The following PIEZO2 variants were observed in gnomAD, a reference collection of about 807,000 sequenced individuals.
The protein encoded by PIEZO2 is piezo-type mechanosensitive ion channel component 2.
A neutral mutation model predicts 337.3 loss-of-function variants in PIEZO2; 172 were observed. The ratio of observed to expected loss-of-function variants is 0.51; its 90% CI spans 0.45 to 0.58. The LOEUF is 0.58. Among genes scored for constraint, PIEZO2 ranks in the 20% least tolerant of loss-of-function variants. PIEZO2 has a pLI of 0.00. For synonymous variants in PIEZO2, 1,251 were observed against 1,228.5 expected, an observed-to-expected ratio of 1.02 and a Z score of -0.38; for missense variants, 3,028 against 3,391.3, an observed-to-expected ratio of 0.89 and a Z score of 2.66.
rs550820425 is a variant in PIEZO2, at chr18:11,148,005, T to G, written c.64+520A>C. On this transcript the variant is annotated intron_variant, in intron 1 of 55. Transcript: ENST00000674853. The surrounding 1 kb of genome is among the most constrained non-coding windows in gnomAD (Gnocchi z 5.2). ...AAATAAGTAAGAAACGTCAAGGCACTGTCTCCCTGTACCTCGTCCCTCTTT... is the reference window on the plus strand; with the variant it reads ...AAATAAGTAAGAAACGTCAAGGCACGGTCTCCCTGTACCTCGTCCCTCTTT... Among the ~76,000 whole-genome samples, 12 of 152,362 alleles carry G rather than the reference T, an allele frequency of 7.9e-5. 1 individual carries two copies. Among genetic ancestry groups the G allele is most frequent in the African/African-American group, 2.9e-4 (12 of 41,594 alleles).
intron 2 of PIEZO2, among the ~76,000 whole-genome samples, chr18:10,983,410 C>T (rs2034745035): frequency 6.6e-6 from 1 of 152,252 alleles, no homozygotes; most frequent in African/African-American, 2.4e-5. Flanking sequence ...TTGGTATCAA[C>T]AGAGGCCTGA....
Position 11,019,000 on chromosome 18 carries a change from C to T in PIEZO2, c.161-39340G>A, listed in dbSNP as rs149679892. Among the ~76,000 whole-genome samples the T allele has an allele frequency of 3.5e-3, 533 of 152,242 alleles. 4 individuals carry two copies. The highest frequency in any genetic ancestry group is 0.012 in the African/African-American group (478 of 41,548). The stretch of plus-strand genomic sequence containing the variant: ...GTGAGATCAACCCCAAAATTCAGGA[C>T]GGAGCCTTGATTTTTTGTGCCCTTC... On this transcript the variant is annotated intron_variant, in intron 2 of 55. Coordinates refer to ENST00000674853, the MANE Select transcript of PIEZO2 (RefSeq NM_001378183.1).
rs1449275468 is a variant in PIEZO2 at position 10,672,248 on chromosome 18, A to G, written c.8345+442T>C. ...TATGAGGCTAACTTTGAGAAATACA[A>G]TATTTTACATTTGTGTCTTGTGGGG... On this transcript the variant is annotated intron_variant, in intron 55 of 55. Coordinates refer to ENST00000674853, the MANE Select transcript of PIEZO2 (RefSeq NM_001378183.1). This position sits in a 1 kb window ranked among gnomAD's most constrained non-coding sequence, Gnocchi z 4.7. 6.6e-6 allele frequency among the ~76,000 whole-genome samples: 1 copy of G among 152,182 alleles called. No individual in the cohort carries two copies. The highest frequency in any genetic ancestry group is 1.9e-4 in the East Asian group (1 of 5,202).
chr18:10,810,938 T>C (rs1448692655), intron 7 of PIEZO2, among the ~76,000 whole-genome samples: 1 of 152,122 alleles, frequency 6.6e-6, no homozygotes, highest in Non-Finnish European at 1.5e-5. Flanking sequence ...ATTACAGGGG[T>C]CACACAGGAT....
At chr18:11,015,346 C>A (rs2036079782) in intron 2 of PIEZO2, among the ~76,000 whole-genome samples, 1 of 152,168 alleles carries the variant, frequency 6.6e-6, no homozygotes, top group Non-Finnish European at 1.5e-5. Flanking sequence ...GGCATGCCAC[C>A]CTGGCTGGCT....
rs1489035242 is a variant in PIEZO2 at position 10,847,098 on chromosome 18, G to A, written c.917+8255C>T. ...TAGGTGCTCTGCCTAGAAAATAGCAGGGCCAAGGTTCAATCTCGAGCCCGT... is the reference window on the plus strand; with the variant it reads ...TAGGTGCTCTGCCTAGAAAATAGCAAGGCCAAGGTTCAATCTCGAGCCCGT... On this transcript the variant is annotated intron_variant, in intron 7 of 55. Coordinates refer to ENST00000674853, the MANE Select transcript of PIEZO2 (RefSeq NM_001378183.1). This position sits in a 1 kb window ranked among gnomAD's most constrained non-coding sequence, Gnocchi z 5.7. Among the ~76,000 whole-genome samples the A allele has an allele frequency of 1.3e-5, 2 of 152,194 alleles. No individual in the cohort carries two copies. Among genetic ancestry groups the A allele is most frequent in the Non-Finnish European group, 2.9e-5 (2 of 68,044 alleles).
rs1200915617 is a variant in PIEZO2, at chr18:10,798,625, AC to A, written c.1379-1104del. Among the ~76,000 whole-genome samples the A allele has an allele frequency of 2.0e-4, 31 of 152,252 alleles. 1 individual carries two copies. Among genetic ancestry groups the A allele is most frequent in the African/African-American group, 7.5e-4 (31 of 41,542 alleles). ...TTAAAATCTTTCCAGCTTTTGTTTCACTTTTGAAAGCCCAGTTTATGATTTC... is the reference window on the plus strand; with the variant it reads ...TTAAAATCTTTCCAGCTTTTGTTTCATTTTGAAAGCCCAGTTTATGATTTC... On this transcript the variant is annotated intron_variant, in intron 11 of 55. Coordinates refer to ENST00000674853, the MANE Select transcript of PIEZO2 (RefSeq NM_001378183.1).
Position 10,750,926 on chromosome 18 carries a change from C to T in PIEZO2, c.4168-739G>A, listed in dbSNP as rs2037623019. ...GCCCTGGGAATATTCCAGTCCTACA[C>T]CATCATGTCCTGCTTTTGTTCCTGT... On this transcript the variant is annotated intron_variant, in intron 28 of 55. Transcript: ENST00000674853. This position sits in a 1 kb window ranked among gnomAD's most constrained non-coding sequence, Gnocchi z 4.1. 6.6e-6 allele frequency among the ~76,000 whole-genome samples: 1 copy of T among 152,138 alleles called. No homozygotes were observed. Among genetic ancestry groups the T allele is most frequent in the Admixed American group, 6.5e-5 (1 of 15,280 alleles).
Position 10,696,298 on chromosome 18 carries a change from A to G in PIEZO2, c.6976-10T>C. 6.2e-7 allele frequency: 1 copy of G among 1,614,074 alleles called. No individual in the cohort carries two copies. Among genetic ancestry groups the G allele is most frequent in the African/African-American group, 1.3e-5 (1 of 75,038 alleles). ...CAGCTGCTGAGTGTTTCTGGGGAAG[A>G]GACAACAAATTCATGCCCAAGAGAG... On this transcript the variant is annotated splice_polypyrimidine_tract_variant and intron_variant, in intron 46 of 55. Transcript: ENST00000674853.
chr18:10,725,128 C>A, intron 36 of PIEZO2: 1 of 1,462,184 alleles, frequency 6.8e-7, no homozygotes, highest in Non-Finnish European at 9.6e-7. Flanking sequence ...GTACCAGGAG[C>A]CCATGCCTAT....
chr18:10,883,352 C>T (rs1260239337), intron 4 of PIEZO2, among the ~76,000 whole-genome samples: 1 of 152,026 alleles, frequency 6.6e-6, no homozygotes, highest in Non-Finnish European at 1.5e-5. Flanking sequence ...TACTGTTCTC[C>T]ATAATGGCTG....
At chr18:11,136,192 G>A (rs1216959909) in intron 1 of PIEZO2, among the ~76,000 whole-genome samples, 5 of 152,202 alleles carry the variant, frequency 3.3e-5, no homozygotes, top group African/African-American at 4.8e-5. Context: ...TGAATGAGGC[G>A]GGGGCATCCG....
rs748023136 is a variant in PIEZO2, at chr18:10,899,025, T to C, written c.329+12161A>G. On this transcript the variant is annotated intron_variant, in intron 4 of 55. Transcript: ENST00000674853. This position sits in a 1 kb window ranked among gnomAD's most constrained non-coding sequence, Gnocchi z 4.6. ...GGAGGCAGAGAATACAACATGTATT[T>C]AGGCAGCTTCACATCCAGGCAACGG... Among the ~76,000 whole-genome samples the C allele has an allele frequency of 6.6e-6, 1 of 152,184 alleles. No homozygotes were observed. The highest frequency in any genetic ancestry group is 2.4e-5 in the African/African-American group (1 of 41,442).
chr18:10,876,844 C>T (rs991845791), intron 4 of PIEZO2, among the ~76,000 whole-genome samples: 3 of 152,198 alleles, frequency 2.0e-5, no homozygotes, highest in Non-Finnish European at 1.5e-5. Context: ...CCTCAACCCA[C>T]CACTGCTCAG....
chr18:11,054,253 G>T (rs565266381), intron 2 of PIEZO2, among the ~76,000 whole-genome samples: 2 of 152,220 alleles, frequency 1.3e-5, no homozygotes, highest in East Asian at 3.9e-4. Context: ...ACATTTTTAA[G>T]AGTCTTGATT....
intron 3 of PIEZO2, among the ~76,000 whole-genome samples, chr18:10,949,936 C>A (rs779286044): frequency 1.2e-4 from 19 of 152,130 alleles, no homozygotes; most frequent in Non-Finnish European, 2.2e-4. Flanking sequence ...TGAAAGACAG[C>A]AATACATTTC....
intron 36 of PIEZO2, among the ~76,000 whole-genome samples, chr18:10,722,957 ATTTTTTTT>A (rs36042609): frequency 8.3e-5 from 7 of 84,312 alleles, no homozygotes; most frequent in African/African-American, 2.9e-4. Context: ...GGATGCAGTG[ATTTTTTTT>A]TTTTTTTTTT....
At chr18:10,970,657 G>A in intron 3 of PIEZO2, among the ~76,000 whole-genome samples, 1 of 115,580 alleles carries the variant, frequency 8.7e-6, no homozygotes, top group Non-Finnish European at 1.8e-5. Flanking sequence ...CAAAAAAGAT[G>A]TTTCACACAC....
At position 11,110,956 on chromosome 18, in the gene PIEZO2, C is replaced by T. The variant is rs1034676090; in HGVS notation, c.64+37569G>A. 1.3e-4 allele frequency among the ~76,000 whole-genome samples: 20 copies of T among 152,154 alleles called. No individual in the cohort carries two copies. Among genetic ancestry groups the T allele is most frequent in the African/African-American group, 4.1e-4 (17 of 41,426 alleles). On this transcript the variant is annotated intron_variant, in intron 1 of 55. Coordinates refer to ENST00000674853, the MANE Select transcript of PIEZO2 (RefSeq NM_001378183.1). This position sits in a 1 kb window ranked among gnomAD's most constrained non-coding sequence, Gnocchi z 4.2. ...CGCAAGCTCCCCTCCATGTGGTCTG[C>T]GTCAGAGTCCACCATGAGAGCCACT...
Sources: allele counts gnomAD v4.1 joint callset (sites outside exome capture counted in the v4.1 genomes callset), GRCh38; gene constraint gnomAD v4.1.1; non-coding constraint Gnocchi (gnomAD v3.1); transcripts MANE v1.5; gene names NCBI Gene and HGNC (gene_info 2026-07-23, HGNC 2026-07-21).